IDUA: variants seen among roughly 807,000 people sequenced by gnomAD.
The protein encoded by IDUA is iduronidase alpha-L-.
A neutral mutation model predicts 68.9 loss-of-function variants in IDUA; 65 were observed. That is an observed-to-expected ratio of 0.94 (90% CI 0.77 to 1.16). The LOEUF is 1.16. IDUA is among the 50% of genes most tolerant of loss of function. The probability of loss-of-function intolerance (pLI) is 0.00; values close to 1 mark genes in which losing one functional copy is unlikely to be tolerated. For synonymous variants in IDUA, 529 were observed against 433.6 expected (o/e 1.22, Z -2.73); for missense variants, 1,046 against 938.0 (o/e 1.12, Z -1.50).
rs369294755 is a variant in IDUA, at chr4:991,382, C to T, written c.299+3433C>T. 4.9e-5 allele frequency: 79 copies of T among 1,612,676 alleles called. No individual in the cohort carries two copies. The highest frequency in any genetic ancestry group is 6.1e-5 in the Non-Finnish European group (72 of 1,179,950). Reference sequence around the variant, plus strand: ...CCCATGAGGAAGTAGATGAGGTTGGCGAAGAAGGACGTATAGAGGCTGTAG... The same window carrying T: ...CCCATGAGGAAGTAGATGAGGTTGGTGAAGAAGGACGTATAGAGGCTGTAG... On this transcript the variant is annotated intron_variant, in intron 2 of 13. Transcript: ENST00000514224.
At chr4:992,600 T>A in intron 2 of IDUA, 10 of 192,532 alleles carry the variant, frequency 5.2e-5, no homozygotes, top group Non-Finnish European at 8.6e-5. Context: ...GCGCCCTTTT[T>A]CCCAGGCTGC....
At chr4:991,193 A>G in intron 2 of IDUA, 2 of 1,596,658 alleles carry the variant, frequency 1.3e-6, no homozygotes, top group Non-Finnish European at 1.7e-6. Flanking sequence ...TCACGCCCGC[A>G]GTCCAGCATG....
chr4:1,002,767 G>T lies in IDUA; in HGVS notation c.1225G>T (p.Gly409Trp). Reference sequence around the variant, plus strand: ...GCTCTGGGCCGAAGTGTCGCAGGCCGGGACCGTCCTGGACAGCAACCACAC... The same window carrying T: ...GCTCTGGGCCGAAGTGTCGCAGGCCTGGACCGTCCTGGACAGCAACCACAC... ...EQLWAEVSQA[G>W]TVLDSNHTVG... The change falls in exon 9 of 14, where the codon GGG becomes TGG. Residue 409 changes from glycine to tryptophan, a missense_variant. By Grantham distance (184) the Gly-to-Trp change is radical (BLOSUM62 -2). Transcript: ENST00000514224. The T allele has an allele frequency of 6.7e-7, 1 of 1,481,588 alleles. No homozygotes were observed. Among genetic ancestry groups the T allele is most frequent in the Non-Finnish European group, 8.9e-7 (1 of 1,122,826 alleles). 91.8% of individuals were successfully genotyped at this position (1,481,588 alleles called of 1,614,324 possible).
intron 2 of IDUA, among the ~76,000 whole-genome samples, chr4:995,047 T>G (rs1345532849): frequency 2.4e-5 from 3 of 126,924 alleles, no homozygotes; most frequent in Non-Finnish European, 3.5e-5. Flanking sequence ...CCTACAAGTC[T>G]TTTTTTTTTT....
chr4:992,185 C>A (rs537563723), intron 2 of IDUA: 3 of 461,634 alleles, frequency 6.5e-6, no homozygotes, highest in South Asian at 4.6e-5. Context: ...CAGGTGCAGG[C>A]AAGCCTGAGT....
intron 2 of IDUA, among the ~76,000 whole-genome samples, chr4:995,284 C>A (rs1714678141): frequency 6.6e-6 from 1 of 151,938 alleles, no homozygotes; most frequent in Non-Finnish European, 1.5e-5. Context: ...ACCTTGTGAT[C>A]CACCCGCCTC....
chr4:989,159 C>T lies in IDUA; in HGVS notation c.299+1210C>T. On this transcript the variant is annotated intron_variant, in intron 2 of 13. Coordinates refer to ENST00000514224, the MANE Select transcript of IDUA (RefSeq NM_000203.5). ...AGCGCAGCCCTGGTGCTAACCGGGC[C>T]CAGGTCCTCGCCCTGGGCAGGGCCT... 6.2e-7 allele frequency: 1 copy of T among 1,607,494 alleles called. No individual in the cohort carries two copies. Among genetic ancestry groups the T allele is most frequent in the Non-Finnish European group, 8.5e-7 (1 of 1,176,554 alleles).
intron 2 of IDUA, chr4:991,393 G>T (rs751574638): frequency 2.5e-6 from 4 of 1,612,836 alleles, no homozygotes; most frequent in South Asian, 1.1e-5. Flanking sequence ...GAAGAAGGAC[G>T]TATAGAGGCT....
intron 2 of IDUA, among the ~76,000 whole-genome samples, chr4:993,953 C>T (rs963923303): frequency 1.1e-4 from 16 of 152,252 alleles, no homozygotes; most frequent in Non-Finnish European, 1.8e-4. Context: ...CCGTGACTGG[C>T]CAGGAGTCCT....
chr4:1,003,699 C>T, intron 12 of IDUA, 74 bp downstream of exon 12: 3 of 1,525,320 alleles, frequency 2.0e-6, no homozygotes, highest in Non-Finnish European at 1.8e-6. Flanking sequence ...TTCACCCATG[C>T]GGTCACTCGG....
In IDUA at chr4:990,401, G is replaced by A. The variant is rs529881853; in HGVS notation, c.299+2452G>A. ...GCGGTCAGGCCAGCAGGCGCCTGGC[G>A]GGAGCCACCTGCCCCTCACCAGCAC... is the stretch of plus-strand genomic sequence containing the variant. On this transcript the variant is annotated intron_variant, in intron 2 of 13. Transcript: ENST00000514224. The A allele has an allele frequency of 1.0e-4, 154 of 1,527,554 alleles. No individual in the cohort carries two copies. In the South Asian group the frequency reaches 1.1e-3, roughly 11 times the overall value. The allele number at this position is 1,527,554 out of a possible 1,614,324, so 94.6% of individuals were successfully genotyped here. A position where few individuals can be genotyped will look rare whatever the true frequency, so the allele number is the denominator to read the frequency against.
At chr4:990,671 A>G in intron 2 of IDUA, 1 of 456,290 alleles carries the variant, frequency 2.2e-6, no homozygotes, top group Non-Finnish European at 3.9e-6. Flanking sequence ...TGGTATCAGA[A>G]GGCAACCCCT....
intron 2 of IDUA, 109 bp downstream of exon 2, chr4:988,058 G>A (rs867700261): frequency 1.0e-5 from 15 of 1,474,256 alleles, no homozygotes; most frequent in South Asian, 5.4e-5. Context: ...ACCTCCCGCC[G>A]AAGCACCCTG....
In IDUA at chr4:1,003,161, G is replaced by A; in HGVS notation, c.1524+4G>A. 7.2e-7 allele frequency: 1 copy of A among 1,382,934 alleles called. No homozygotes were observed. The highest frequency in any genetic ancestry group is 9.3e-7 in the Non-Finnish European group (1 of 1,073,086). The allele number at this position is 1,382,934 out of a possible 1,614,324, so 85.7% of individuals were successfully genotyped here. A position where few individuals can be genotyped will look rare whatever the true frequency, so the allele number is the denominator to read the frequency against. On this transcript the variant is annotated splice_donor_region_variant and intron_variant, in intron 10 of 13. Transcript: ENST00000514224. The stretch of plus-strand genomic sequence containing the variant: ...CCGGCGCATGCGCGCGGCTGAGGTA[G>A]GTGGGCCGCGGAGGGGCGAGGGGCC...
chr4:1,003,584 G>A lies in IDUA; in HGVS notation c.1686G>A (p.Gly562=). The A allele has an allele frequency of 1.9e-6, 3 of 1,612,374 alleles. No individual in the cohort carries two copies. The highest frequency in any genetic ancestry group is 2.5e-6 in the Non-Finnish European group (3 of 1,179,810). Residue 562 remains glycine, a synonymous_variant, in exon 12 of 14, where the codon GGG becomes GGA. Transcript: ENST00000514224. ...TRLRALPLTQ[G]QLVLVWSDEH... ...TCCGCGCCCTGCCCCTGACCCAAGGGCAGCTGGTTCTGGTCTGGTCGGATG... is the reference window on the plus strand; with the variant it reads ...TCCGCGCCCTGCCCCTGACCCAAGGACAGCTGGTTCTGGTCTGGTCGGATG...
Position 1,002,341 on chromosome 4 carries a change from G to C in IDUA, c.1045G>C (p.Asp349His). The C allele has an allele frequency of 6.2e-7, 1 of 1,613,182 alleles. No individual in the cohort carries two copies. Among genetic ancestry groups the C allele is most frequent in the Non-Finnish European group, 8.5e-7 (1 of 1,179,696 alleles). The change falls in exon 8 of 14, where the codon GAC (aspartate) becomes CAC (histidine). Residue 349 changes from aspartate to histidine, a missense_variant. Asp to His is a moderately conservative substitution (Grantham distance 81). Coordinates refer to ENST00000514224, the MANE Select transcript of IDUA (RefSeq NM_000203.5). ...CTTCCCCTACGCGCTCCTGAGCAACGACAATGCCTTCCTGAGCTACCACCC... is the reference window on the plus strand; with the variant it reads ...CTTCCCCTACGCGCTCCTGAGCAACCACAATGCCTTCCTGAGCTACCACCC... ...SAFPYALLSNDNAFLSYHPHP... is the reference protein window; with the variant it reads ...SAFPYALLSNHNAFLSYHPHP...
At chr4:988,539 G>A (rs1216125848) in intron 2 of IDUA, 17 of 1,235,766 alleles carry the variant, frequency 1.4e-5, no homozygotes, top group African/African-American at 6.2e-5. Flanking sequence ...AACCCTGAGC[G>A]TCAGGTCAGG....
Position 1,003,590 on chromosome 4 carries a change from G to T in IDUA, c.1692G>T (p.Leu564=), listed in dbSNP as rs749848297. ...LRALPLTQGQ[L]VLVWSDEHVG... is the part of the protein sequence containing the mutation. ...CCCTGCCCCTGACCCAAGGGCAGCT[G>T]GTTCTGGTCTGGTCGGATGAACACG... The change falls in exon 12 of 14, where the codon CTG becomes CTT. Residue 564 remains leucine, a synonymous_variant. Transcript: ENST00000514224. 2 of 1,612,476 alleles carry T rather than the reference G, an allele frequency of 1.2e-6. No homozygotes were observed.
chr4:1,003,017 T>C lies in IDUA; in HGVS notation c.1403-19T>C. Reference sequence around the variant, plus strand: ...GGGGGCGGCCCGGGGAGCCGAGGCCTGAGTGTCAGGCCCCGCAGGCCTGGT... The same window carrying C: ...GGGGGCGGCCCGGGGAGCCGAGGCCCGAGTGTCAGGCCCCGCAGGCCTGGT... On this transcript the variant is annotated intron_variant, in intron 9 of 13. Coordinates refer to ENST00000514224, the MANE Select transcript of IDUA (RefSeq NM_000203.5). 6.8e-7 allele frequency: 1 copy of C among 1,463,940 alleles called. No individual in the cohort carries two copies. The highest frequency in any genetic ancestry group is 9.0e-7 in the Non-Finnish European group (1 of 1,113,084). The allele number at this position is 1,463,940 out of a possible 1,614,324, so 90.7% of individuals were successfully genotyped here.
Sources: gnomAD v4.1 joint callset for allele counts (sites outside exome capture counted in the v4.1 genomes callset) on GRCh38, gnomAD v4.1.1 for gene constraint, MANE v1.5 for transcripts, NCBI Gene and HGNC (gene_info 2026-07-23, HGNC 2026-07-21) for gene names.